Variants in CNBD1 observed in about 807,000 individuals in gnomAD.
CNBD1 encodes cyclic nucleotide-binding domain-containing protein 1.
A neutral mutation model predicts 54.4 loss-of-function variants in CNBD1; 71 were observed. The ratio of observed to expected loss-of-function variants is 1.30; its 90% CI spans 1.08 to 1.59. The LOEUF is 1.59. Among genes scored for constraint, CNBD1 ranks in the 40% most tolerant of loss-of-function variants. CNBD1 has a pLI of 0.00. For missense variants in CNBD1, 659 were observed against 518.0 expected (o/e 1.27, Z -2.64); for synonymous variants, 182 against 170.7 (o/e 1.07, Z -0.51).
At chr8:87,165,310 T>G (rs971564476) in intron 4 of CNBD1, among the ~76,000 whole-genome samples, 2 of 151,984 alleles carry the variant, frequency 1.3e-5, no homozygotes, top group Non-Finnish European at 2.9e-5. Context: ...GTTTCTTTAT[T>G]GATTTTCTGC....
At chr8:87,005,277 G>A (rs994081330) in intron 4 of CNBD1, among the ~76,000 whole-genome samples, 3 of 151,918 alleles carry the variant, frequency 2.0e-5, no homozygotes, top group African/African-American at 7.3e-5. Flanking sequence ...GGCTGAGGCA[G>A]GAGAATGGCG....
chr8:86,901,522 G>C (rs1808932302), intron 2 of CNBD1, among the ~76,000 whole-genome samples: 2 of 152,154 alleles, frequency 1.3e-5, no homozygotes, highest in African/African-American at 4.8e-5. Flanking sequence ...AAGAAATATT[G>C]TATTAGGGTA....
chr8:86,954,427 C>G (rs1405098403), intron 4 of CNBD1, among the ~76,000 whole-genome samples: 2 of 152,116 alleles, frequency 1.3e-5, no homozygotes, highest in Non-Finnish European at 2.9e-5. Context: ...AAATAATACT[C>G]TTTTGAATTT....
intron 4 of CNBD1, among the ~76,000 whole-genome samples, chr8:87,033,077 G>A (rs1158764584): frequency 1.3e-5 from 2 of 152,104 alleles, no homozygotes; most frequent in Non-Finnish European, 2.9e-5. Context: ...TTTTCCAGCA[G>A]GAATTTATTG....
At chr8:87,315,432 T>C (rs1431140337) in intron 8 of CNBD1, among the ~76,000 whole-genome samples, 2 of 151,950 alleles carry the variant, frequency 1.3e-5, no homozygotes, top group Admixed American at 6.6e-5. Context: ...AGAAGCATGG[T>C]GCAGGCATCT....
chr8:86,962,567 C>T (rs1317304434), intron 4 of CNBD1, among the ~76,000 whole-genome samples: 2 of 151,994 alleles, frequency 1.3e-5, no homozygotes, highest in Admixed American at 6.6e-5. Context: ...GGGCACATCA[C>T]GAGGTCAGGA....
Position 87,190,865 on chromosome 8 carries a change from A to ATTT in CNBD1, c.432-15128_432-15127insTTT, listed in dbSNP as rs1204458092. 1.7e-3 allele frequency among the ~76,000 whole-genome samples: 252 copies of ATTT among 148,802 alleles called. 14 individuals carry two copies. The highest frequency in any genetic ancestry group is 5.5e-3 in the African/African-American group (222 of 40,038). ...GATATAGATACATGTACCTATATCT[A>ATTT]AATAGATATAGATACATGTACGTAT... On this transcript the variant is annotated intron_variant, in intron 4 of 10. Transcript: ENST00000518476.
intron 5 of CNBD1, among the ~76,000 whole-genome samples, chr8:87,226,731 A>G (rs2130815197): frequency 6.6e-6 from 1 of 152,026 alleles, no homozygotes; most frequent in South Asian, 2.1e-4. Context: ...ATTTGGGTGG[A>G]GAGTTCTGTA....
chr8:87,187,787 A>C (rs552766131), intron 4 of CNBD1, among the ~76,000 whole-genome samples: 3 of 152,288 alleles, frequency 2.0e-5, no homozygotes, highest in African/African-American at 4.8e-5. Context: ...TCATTATAAT[A>C]TCTCTCTAAC....
chr8:87,284,153 T>C (rs1458479455), intron 6 of CNBD1, among the ~76,000 whole-genome samples: 2 of 152,104 alleles, frequency 1.3e-5, no homozygotes, highest in Non-Finnish European at 2.9e-5. Flanking sequence ...CAACTATATA[T>C]AATATCATTA....
At chr8:86,974,886 C>G (rs1808306683) in intron 4 of CNBD1, among the ~76,000 whole-genome samples, 1 of 151,914 alleles carries the variant, frequency 6.6e-6, no homozygotes, top group Admixed American at 6.6e-5. Flanking sequence ...TTTTACATAT[C>G]ATATAGGATT....
At chr8:87,031,645 C>T (rs961108567) in intron 4 of CNBD1, among the ~76,000 whole-genome samples, 3 of 152,138 alleles carry the variant, frequency 2.0e-5, no homozygotes, top group Non-Finnish European at 2.9e-5. Flanking sequence ...TATTCCTGTT[C>T]GTTGGCCCCA....
intron 3 of CNBD1, among the ~76,000 whole-genome samples, chr8:86,912,811 T>C (rs768948451): frequency 2.0e-5 from 3 of 152,172 alleles, no homozygotes; most frequent in Non-Finnish European, 4.4e-5. Flanking sequence ...GTGTGTGTTA[T>C]TGTCCCTGAA....
At chr8:86,878,015 G>A (rs1808549753) in intron 1 of CNBD1, among the ~76,000 whole-genome samples, 1 of 149,746 alleles carries the variant, frequency 6.7e-6, no homozygotes, top group Admixed American at 6.7e-5. Flanking sequence ...TTGCCTGCTT[G>A]TAATTTCTTT....
intron 10 of CNBD1, among the ~76,000 whole-genome samples, chr8:87,372,733 C>T (rs112328176): frequency 0.011 from 1,705 of 151,862 alleles, 24 homozygotes; most frequent in Non-Finnish European, 0.014. Context: ...TTTTATGTGG[C>T]AACGTTCTTA....
intron 4 of CNBD1, among the ~76,000 whole-genome samples, chr8:87,038,369 C>G (rs559938871): frequency 6.6e-6 from 1 of 152,120 alleles, no homozygotes; most frequent in African/African-American, 2.4e-5. Flanking sequence ...TTACACAAAT[C>G]AATTTTTCCA....
chr8:87,324,768 G>C (rs561387243), intron 8 of CNBD1, among the ~76,000 whole-genome samples: 1 of 145,412 alleles, frequency 6.9e-6, no homozygotes, highest in Non-Finnish European at 1.5e-5. Flanking sequence ...TGGATTCATT[G>C]ATTTTTTGAA....
At chr8:87,318,503 C>T (rs974389564) in intron 8 of CNBD1, among the ~76,000 whole-genome samples, 2 of 152,044 alleles carry the variant, frequency 1.3e-5, no homozygotes, top group Admixed American at 1.3e-4. Flanking sequence ...TTTGAAGGAG[C>T]CCCTGCGTGC....
intron 4 of CNBD1, among the ~76,000 whole-genome samples, chr8:87,164,804 CTCTT>C (rs1469469676): frequency 6.6e-6 from 1 of 151,734 alleles, no homozygotes; most frequent in East Asian, 1.9e-4. Context: ...ATTTATTACT[CTCTT>C]CCTTCTGCTA....
Sources: gnomAD v4.1 joint callset for allele counts (sites outside exome capture counted in the v4.1 genomes callset) on GRCh38, gnomAD v4.1.1 for gene constraint, MANE v1.5 for transcripts, NCBI Gene and HGNC (gene_info 2026-07-23, HGNC 2026-07-21) for gene names.